Variants in DCAF6 observed in about 807,000 individuals in gnomAD.
The protein encoded by DCAF6 is DDB1 and CUL4 associated factor 6, also known as DDB1- and CUL4-associated factor 6.
In DCAF6, 54 loss-of-function variants were observed where a neutral mutation model predicts 125.1. That is an observed-to-expected ratio of 0.43 (90% CI 0.35 to 0.54). DCAF6 has a LOEUF of 0.54. Among genes scored for constraint, DCAF6 ranks in the 20% least tolerant of loss-of-function variants. The pLI is 0.01. For missense variants in DCAF6, 934 were observed against 1,161.7 expected, an observed-to-expected ratio of 0.80 and a Z score of 2.85; for synonymous variants, 371 against 390.4, an observed-to-expected ratio of 0.95 and a Z score of 0.58.
chr1:168,052,889 A>G (rs1169449845), intron 17 of DCAF6, among the ~76,000 whole-genome samples: 1 of 152,186 alleles, frequency 6.6e-6, no homozygotes, highest in Non-Finnish European at 1.5e-5. Flanking sequence ...TTTATGATAT[A>G]AAGAAGAAAC....
At chr1:167,893,934 C>T in the DCAF6 span, 3 of 1,612,968 alleles carry the variant, frequency 1.9e-6, no homozygotes, top group Non-Finnish European at 2.5e-6. Context: ...ATGCAAGCCT[C>T]AGGAGGTCTA....
At chr1:167,866,970 A>G in the DCAF6 span, among the ~76,000 whole-genome samples, 1 of 152,316 alleles carries the variant, frequency 6.6e-6, no homozygotes, top group Middle Eastern at 3.4e-3. Flanking sequence ...CTAAACATAA[A>G]GTCCCCCCCA....
the DCAF6 span, chr1:167,894,071 C>G: frequency 8.5e-6 from 6 of 703,266 alleles, no homozygotes; most frequent in South Asian, 4.5e-5. Context: ...TCAGGAGACT[C>G]TGGGACACCT....
intron 17 of DCAF6, among the ~76,000 whole-genome samples, chr1:168,058,157 CCAAT>C (rs1176534195): frequency 1.3e-5 from 2 of 152,074 alleles, no homozygotes; most frequent in Non-Finnish European, 2.9e-5. Context: ...TAGCTCTTGC[CCAAT>C]CATTTTTACT....
chr1:168,062,161 T>A (rs2101945297), intron 17 of DCAF6, among the ~76,000 whole-genome samples: 1 of 152,286 alleles, frequency 6.6e-6, no homozygotes, highest in Non-Finnish European at 1.5e-5. Context: ...AAAAAAAATG[T>A]ATTATTCCAC....
rs566410397 is a variant in DCAF6 at position 168,069,330 on chromosome 1, C to CT, written c.2791+868dup. 2.1e-3 allele frequency among the ~76,000 whole-genome samples: 318 copies of CT among 152,290 alleles called. 2 individuals are homozygous for CT. Among genetic ancestry groups the CT allele is most frequent in the African/African-American group, 7.1e-3 (297 of 41,574 alleles). ...CATGCAAACCTCTGGATGATCTAATCTCAAACTATTCTAGCTGATTTACAG... is the reference window on the plus strand; with the variant it reads ...CATGCAAACCTCTGGATGATCTAATCTTCAAACTATTCTAGCTGATTTACAG... On this transcript the variant is annotated intron_variant, in intron 21 of 21. Coordinates refer to ENST00000367840, the MANE Select transcript of DCAF6 (RefSeq NM_001198956.2).
intron 17 of DCAF6, chr1:168,055,798 G>GTTTTTTTT (rs1237761218): frequency 1.2e-6 from 1 of 810,814 alleles, no homozygotes. Flanking sequence ...TTCCCCATCG[G>GTTTTTTTT]TAATACTAAA....
At chr1:167,968,022 C>T (rs923738961) in intron 3 of DCAF6, among the ~76,000 whole-genome samples, 1 of 152,102 alleles carries the variant, frequency 6.6e-6, no homozygotes, top group African/African-American at 2.4e-5. Context: ...TGAGCCACCA[C>T]GCCCAGCCCA....
chr1:167,920,704 C>A, the DCAF6 span: 26 of 1,434,734 alleles, frequency 1.8e-5, no homozygotes, highest in Non-Finnish European at 2.3e-5. Flanking sequence ...AAATCAAGCA[C>A]AAGACATTTT....
rs116544532 is a variant in DCAF6, at chr1:168,037,620, G to C, written c.1610-751G>C. ...AGCTTTAAATACTCTATTAATTTGT[G>C]TAGGCTTTCTTGATTTTGTCATTTA... On this transcript the variant is annotated intron_variant, in intron 12 of 21. Transcript: ENST00000367840. Among the ~76,000 whole-genome samples, 756 of 151,956 alleles carry C rather than the reference G, an allele frequency of 5.0e-3. 5 individuals are homozygous for C. Among genetic ancestry groups the C allele is most frequent in the African/African-American group, 0.017 (714 of 41,462 alleles).
chr1:168,054,929 G>T (rs1558036521), intron 17 of DCAF6, among the ~76,000 whole-genome samples: 1 of 150,738 alleles, frequency 6.6e-6, no homozygotes, highest in South Asian at 2.1e-4. Flanking sequence ...CAATTCTCCT[G>T]CCTCAGCCTC....
At chr1:167,920,777 C>T in the DCAF6 span, 1 of 815,970 alleles carries the variant, frequency 1.2e-6, no homozygotes, top group Non-Finnish European at 1.9e-6. Flanking sequence ...ATGTAGATTA[C>T]AACAAAAAAA....
At chr1:168,041,141 G>A (rs1688478896) in intron 13 of DCAF6, among the ~76,000 whole-genome samples, 1 of 152,014 alleles carries the variant, frequency 6.6e-6, no homozygotes, top group South Asian at 2.1e-4. Flanking sequence ...ATGAGATCAT[G>A]CAGAGAAAGT....
intron 17 of DCAF6, among the ~76,000 whole-genome samples, chr1:168,051,308 G>T (rs151299337): frequency 1.3e-5 from 2 of 152,040 alleles, no homozygotes; most frequent in Non-Finnish European, 2.9e-5. Flanking sequence ...TTTGTTATTC[G>T]TATATGCTCC....
chr1:168,060,292 A>G (rs968308439), intron 17 of DCAF6, among the ~76,000 whole-genome samples: 2 of 151,828 alleles, frequency 1.3e-5, no homozygotes, highest in East Asian at 3.9e-4. Context: ...CCATCCTCCC[A>G]CCTCGGCCTC....
intron 1 of DCAF6, among the ~76,000 whole-genome samples, chr1:167,944,388 C>T (rs1039849825): frequency 6.6e-6 from 1 of 152,138 alleles, no homozygotes; most frequent in Admixed American, 6.5e-5. Flanking sequence ...GGAGAAATCT[C>T]CATACTGTTT....
chr1:167,945,172 T>C (rs1672870600), intron 1 of DCAF6, among the ~76,000 whole-genome samples: 1 of 152,216 alleles, frequency 6.6e-6, no homozygotes, highest in Non-Finnish European at 1.5e-5. Context: ...TCTAGCTTTA[T>C]TCTTTTTGCT....
At chr1:168,035,434 G>A (rs1687677229) in intron 12 of DCAF6, among the ~76,000 whole-genome samples, 1 of 152,146 alleles carries the variant, frequency 6.6e-6, no homozygotes, top group Non-Finnish European at 1.5e-5. Context: ...ACGACGGAGT[G>A]AGACTCTGTC....
the DCAF6 span, chr1:167,878,607 G>T: frequency 6.2e-7 from 1 of 1,614,092 alleles, no homozygotes; most frequent in East Asian, 2.2e-5. Context: ...TCATCATCCT[G>T]GCAGCTAAGT....
Sources: gnomAD v4.1 joint callset for allele counts (sites outside exome capture counted in the v4.1 genomes callset) on GRCh38, gnomAD v4.1.1 for gene constraint, MANE v1.5 for transcripts, NCBI Gene and HGNC (gene_info 2026-07-23, HGNC 2026-07-21) for gene names.